PAN3: variants seen among roughly 807,000 people sequenced by gnomAD.
PAN3 encodes the protein poly(A) specific ribonuclease subunit PAN3, also known as PAN2-PAN3 deadenylation complex subunit PAN3.
PAN3 carries 19 observed loss-of-function variants against 96.2 expected under a neutral mutation model. The observed-to-expected ratio is 0.20, with a 90% CI of 0.14 to 0.29. The LOEUF (loss-of-function observed/expected upper bound fraction) is 0.29. Ranked by LOEUF, PAN3 falls within the 10% of genes least tolerant of loss-of-function variation. The pLI is 1.00. For synonymous variants in PAN3, 433 were observed against 406.6 expected (o/e 1.06, Z -0.78); for missense variants, 882 against 1,108.1 (o/e 0.80, Z 2.90).
At chr13:28,206,129 A>T (rs1879320423) in intron 5 of PAN3, among the ~76,000 whole-genome samples, 1 of 152,078 alleles carries the variant, frequency 6.6e-6, no homozygotes, top group Non-Finnish European at 1.5e-5. Flanking sequence ...ACAACAAAGC[A>T]TGCTACATGA....
chr13:28,259,876 G>T (rs1482014220), intron 7 of PAN3, among the ~76,000 whole-genome samples: 1 of 151,952 alleles, frequency 6.6e-6, no homozygotes, highest in African/African-American at 2.4e-5. Context: ...AACCTCAGGT[G>T]ATCTGCCCAC....
rs375743590 is a variant in PAN3, at chr13:28,256,415, C to T, written c.1124C>T (p.Ala375Val). 3.9e-5 allele frequency: 63 copies of T among 1,613,934 alleles called. No homozygotes were observed. Among genetic ancestry groups the T allele is most frequent in the Non-Finnish European group, 5.2e-5 (61 of 1,179,960 alleles). ...GCAAGTTACATGGTGCCTTCTAGTG[C>T]CTCTACATCTGTTAATAATCCTGTT... is the stretch of plus-strand genomic sequence containing the variant. ...NPASYMVPSS[A>V]STSVNNPVSQ... Residue 375 changes from alanine (A) to valine (V), a missense_variant, in exon 7 of 19, where the codon GCC becomes GTC. This residue lies in a region of PAN3 where 364 missense variants were observed against 513.6 expected (regional missense o/e 0.71). Transcript: ENST00000380958.
chr13:28,254,561 A>G (rs552396081), intron 6 of PAN3, among the ~76,000 whole-genome samples: 1 of 152,196 alleles, frequency 6.6e-6, no homozygotes, highest in Non-Finnish European at 1.5e-5. Context: ...GTTTTTATCC[A>G]TTGATAATAG....
chr13:28,148,353 G>T (rs1457312814), intron 1 of PAN3, among the ~76,000 whole-genome samples: 1 of 152,084 alleles, frequency 6.6e-6, no homozygotes, highest in African/African-American at 2.4e-5. Context: ...TACAATCATA[G>T]CTCGCTGCAG....
chr13:28,180,679 T>G (rs1281713648), intron 4 of PAN3, among the ~76,000 whole-genome samples: 1 of 152,222 alleles, frequency 6.6e-6, no homozygotes, highest in Admixed American at 6.5e-5. Flanking sequence ...TTACCACTAT[T>G]TCATAGCTAG....
chr13:28,261,268 A>C lies in PAN3; in HGVS notation c.1354-133A>C, dbSNP rs918014205. On this transcript the variant is annotated intron_variant, in intron 8 of 18. Coordinates refer to ENST00000380958, the MANE Select transcript of PAN3 (RefSeq NM_175854.8). The stretch of plus-strand genomic sequence containing the variant: ...ATTTTACCATGTTTAGAAATGTTTT[A>C]ATATTTAAATGATTTTAATATTTAA... 177 of 511,588 alleles carry C rather than the reference A, an allele frequency of 3.5e-4. 2 individuals carry two copies. In the South Asian group the frequency reaches 5.1e-3, roughly 15 times the overall value. The allele number at this position is 511,588 out of a possible 1,614,324, so 31.7% of individuals were successfully genotyped here.
At chr13:28,238,889 T>G (rs1425676634) in intron 6 of PAN3, among the ~76,000 whole-genome samples, 1 of 152,122 alleles carries the variant, frequency 6.6e-6, no homozygotes, top group African/African-American at 2.4e-5. Context: ...ATCTTGAAGC[T>G]CAAAGGCTAT....
chr13:28,138,631 G>A lies in PAN3; in HGVS notation c.-27G>A. The A allele has an allele frequency of 4.0e-6, 2 of 505,302 alleles. No homozygotes were observed. Among genetic ancestry groups the A allele is most frequent in the Admixed American group, 4.5e-5 (1 of 22,460 alleles). The allele number at this position is 505,302 out of a possible 1,614,324, so 31.3% of individuals were successfully genotyped here. On this transcript the variant is annotated 5_prime_UTR_variant, in exon 1 of 19. Transcript: ENST00000380958. ...TGGCGGCGGCGGCTCCTCGGGCGGC[G>A]GCGGAAGACGAGGCTGCGGCGTTGC...
Position 28,139,079 on chromosome 13 carries a change from G to C in PAN3, c.422G>C (p.Arg141Pro). ...GGSSGGLDGP[R>P]LAIPGMDGGA... ...AGTAGCGGGGGACTCGATGGACCGC[G>C]GCTGGCAAGTGAGTGTTTTTCGGGC... Residue 141 changes from arginine (R) to proline (P), a missense_variant, in exon 1 of 19, where the codon CGG (arginine) becomes CCG (proline). Physicochemically the swap from Arg to Pro is moderately radical, Grantham distance 103 (BLOSUM62 -2). Around this residue, in one of 3 missense-constraint regions of PAN3, gnomAD observed 442 missense variants for 422.8 expected, o/e 1.05. Coordinates refer to ENST00000380958, the MANE Select transcript of PAN3 (RefSeq NM_175854.8). 1 of 1,270,606 alleles carries C rather than the reference G, an allele frequency of 7.9e-7. No homozygotes were observed. Among genetic ancestry groups the C allele is most frequent in the Non-Finnish European group, 9.9e-7 (1 of 1,009,496 alleles). The allele number at this position is 1,270,606 out of a possible 1,614,324, so 78.7% of individuals were successfully genotyped here. A position where few individuals can be genotyped will look rare whatever the true frequency, so the allele number is the denominator to read the frequency against.
Position 28,266,696 on chromosome 13 carries a change from T to G in PAN3, c.1412-19T>G. 6.6e-7 allele frequency: 1 copy of G among 1,521,564 alleles called. No homozygotes were observed. The highest frequency in any genetic ancestry group is 8.8e-7 in the Non-Finnish European group (1 of 1,133,392). The allele number at this position is 1,521,564 out of a possible 1,614,324, so 94.3% of individuals were successfully genotyped here. ...TGAATGCCTGTATTTTCAAGTCATC[T>G]TCTTATGAATTACTCTAGCAGTTCC... On this transcript the variant is annotated intron_variant, in intron 9 of 18. Coordinates refer to ENST00000380958, the MANE Select transcript of PAN3 (RefSeq NM_175854.8).
intron 5 of PAN3, among the ~76,000 whole-genome samples, chr13:28,201,201 ATT>A (rs751544386): frequency 3.7e-5 from 5 of 133,948 alleles, no homozygotes; most frequent in African/African-American, 2.7e-5. Flanking sequence ...CACCCACCTA[ATT>A]TTTTTTTTTT....
intron 6 of PAN3, among the ~76,000 whole-genome samples, chr13:28,235,986 C>T (rs1883067618): frequency 6.6e-6 from 1 of 151,904 alleles, no homozygotes; most frequent in Admixed American, 6.6e-5. Context: ...CCTGCTTCCA[C>T]CTCCCAGAGT....
chr13:28,215,371 C>T (rs1219212170), intron 5 of PAN3: 14 of 751,318 alleles, frequency 1.9e-5, no homozygotes, highest in Non-Finnish European at 3.2e-5. Flanking sequence ...GTCAACGTTA[C>T]AACTGAAGTC....
chr13:28,226,026 T>C (rs776951511), intron 6 of PAN3, among the ~76,000 whole-genome samples: 1 of 152,174 alleles, frequency 6.6e-6, no homozygotes, highest in African/African-American at 2.4e-5. Context: ...GAGTGTACCA[T>C]TGGGAAAACA....
At chr13:28,159,953 T>G (rs1872698580) in intron 1 of PAN3, among the ~76,000 whole-genome samples, 2 of 152,238 alleles carry the variant, frequency 1.3e-5, no homozygotes, top group South Asian at 4.1e-4. Context: ...TATTTTTTAT[T>G]TTTGAGACAG....
intron 5 of PAN3, among the ~76,000 whole-genome samples, chr13:28,212,770 C>G (rs1880207002): frequency 6.6e-6 from 1 of 152,086 alleles, no homozygotes; most frequent in Non-Finnish European, 1.5e-5. Flanking sequence ...GAAGGCATAG[C>G]AATAGAAACT....
chr13:28,179,751 C>T (rs138552018), intron 4 of PAN3, among the ~76,000 whole-genome samples: 1,545 of 150,742 alleles, frequency 0.01, 23 homozygotes, highest in African/African-American at 0.035. Context: ...TTCAGACATA[C>T]GAGTAGAAAG....
intron 6 of PAN3, among the ~76,000 whole-genome samples, chr13:28,223,871 A>ATTTTTTT (rs560571140): frequency 2.7e-5 from 2 of 75,048 alleles, no homozygotes; most frequent in East Asian, 4.3e-4. Context: ...ATGAAAAGTG[A>ATTTTTTT]TTTTTTTTTT....
At chr13:28,178,563 CT>C (rs1276708926) in intron 4 of PAN3, among the ~76,000 whole-genome samples, 2 of 151,802 alleles carry the variant, frequency 1.3e-5, no homozygotes, top group Admixed American at 1.3e-4. Flanking sequence ...AGAAGATAGT[CT>C]TTTTTGGTTA....
Sources: gnomAD v4.1 joint callset for allele counts (sites outside exome capture counted in the v4.1 genomes callset) on GRCh38, gnomAD v4.1.1 for gene constraint, gnomAD v4.1.1 regional missense constraint, MANE v1.5 for transcripts, NCBI Gene and HGNC (gene_info 2026-07-23, HGNC 2026-07-21) for gene names.